The following KIF18A variants were observed in gnomAD, a reference collection of about 807,000 sequenced individuals.
KIF18A encodes the protein kinesin-like protein KIF18A.
KIF18A carries 67 observed loss-of-function variants against 103.3 expected under a neutral mutation model. The ratio of observed to expected loss-of-function variants is 0.65; its 90% CI spans 0.53 to 0.79. The LOEUF is 0.79. Ranked by LOEUF, KIF18A falls within the 30% of genes least tolerant of loss-of-function variation. The pLI is 0.00. For synonymous variants in KIF18A, 367 were observed against 355.5 expected, an observed-to-expected ratio of 1.03 and a Z score of -0.36; for missense variants, 1,032 against 1,062.5, an observed-to-expected ratio of 0.97 and a Z score of 0.40.
Position 28,062,495 on chromosome 11 carries a change from A to G in KIF18A, c.1612T>C (p.Cys538Arg), listed in dbSNP as rs1368288262. ...TTGTTCTGGAGGTGCAAATGGTGAC[A>G]ATGAAGATCTTTCTTGAGTTCCTAG... ...IPKELKKDLH[C>R]HHLHLQNKDL... is the part of the protein sequence containing the mutation. Residue 538 changes from cysteine to arginine, a missense_variant, in exon 12 of 17, where the codon TGT (cysteine) becomes CGT (arginine). Cys to Arg is a radical substitution (Grantham distance 180). Coordinates refer to ENST00000263181, the MANE Select transcript of KIF18A (RefSeq NM_031217.4). 1.2e-6 allele frequency: 2 copies of G among 1,611,322 alleles called. No individual in the cohort carries two copies. The highest frequency in any genetic ancestry group is 1.7e-6 in the Non-Finnish European group (2 of 1,178,408).
At chr11:28,089,716 C>T (rs927316132) in intron 5 of KIF18A, among the ~76,000 whole-genome samples, 10 of 152,128 alleles carry the variant, frequency 6.6e-5, no homozygotes, top group Non-Finnish European at 1.3e-4. Flanking sequence ...TTGTCATTTT[C>T]AACTGCCTAG....
At chr11:28,091,119 T>C (rs1390709145) in intron 4 of KIF18A, among the ~76,000 whole-genome samples, 1 of 143,904 alleles carries the variant, frequency 6.9e-6, no homozygotes, top group Non-Finnish European at 1.5e-5. Flanking sequence ...CATAGCCCGG[T>C]CACAAAATAA....
chr11:28,058,444 G>C (rs1421754824), intron 13 of KIF18A, among the ~76,000 whole-genome samples: 4 of 143,940 alleles, frequency 2.8e-5, no homozygotes, highest in African/African-American at 1.0e-4. Flanking sequence ...TTGAGCCCAG[G>C]AGTTTGAGGT....
chr11:28,024,851 T>C (rs1850294437), intron 15 of KIF18A, among the ~76,000 whole-genome samples: 1 of 151,942 alleles, frequency 6.6e-6, no homozygotes, highest in South Asian at 2.1e-4. Context: ...AGATACTATA[T>C]AGTAATCCCC....
In KIF18A at chr11:28,036,218, GT is replaced by G; in HGVS notation, c.2394del (p.Gln798HisfsTer26). 6.4e-7 allele frequency: 1 copy of G among 1,555,614 alleles called. No homozygotes were observed. The highest frequency in any genetic ancestry group is 8.7e-7 in the Non-Finnish European group (1 of 1,148,150). On this transcript the variant is annotated frameshift_variant and splice_region_variant, in exon 14 of 17. Coordinates refer to ENST00000263181, the MANE Select transcript of KIF18A (RefSeq NM_031217.4). LOFTEE classifies it high-confidence loss of function. ...SLPNDNKDIL[Q>X]RLDPSSFSTK... ...TTGGCAAATATTATTTTTTTGTACC[GT>G]TGTAAAATGTCTTTGTTATCATTTG... is the stretch of plus-strand genomic sequence containing the variant.
At chr11:28,089,866 C>A (rs1486458219) in intron 5 of KIF18A, among the ~76,000 whole-genome samples, 1 of 152,132 alleles carries the variant, frequency 6.6e-6, no homozygotes, top group African/African-American at 2.4e-5. Flanking sequence ...AAAGCAGGAT[C>A]TAAGATATTT....
chr11:28,099,792 A>G (rs922112047), intron 1 of KIF18A, among the ~76,000 whole-genome samples: 1 of 152,076 alleles, frequency 6.6e-6, no homozygotes, highest in African/African-American at 2.4e-5. Flanking sequence ...ATGAGAGGAG[A>G]AATGGAGGCC....
chr11:28,032,758 A>G (rs1850427732), intron 15 of KIF18A, among the ~76,000 whole-genome samples: 1 of 151,908 alleles, frequency 6.6e-6, no homozygotes, highest in Admixed American at 6.6e-5. Flanking sequence ...TCAAACTATG[A>G]AACTGCTAAA....
At chr11:28,027,413 T>A (rs541141417) in intron 15 of KIF18A, among the ~76,000 whole-genome samples, 2 of 151,968 alleles carry the variant, frequency 1.3e-5, no homozygotes, top group East Asian at 1.9e-4. Context: ...TAACCCGGCT[T>A]TTGGTTTGCA....
Position 28,062,488 on chromosome 11 carries a change from T to C in KIF18A, c.1619A>G (p.His540Arg), listed in dbSNP as rs1380259211. The C allele has an allele frequency of 1.2e-6, 2 of 1,611,614 alleles. No homozygotes were observed. Among genetic ancestry groups the C allele is most frequent in the Non-Finnish European group, 1.7e-6 (2 of 1,178,490 alleles). Residue 540 changes from histidine to arginine, a missense_variant, in exon 12 of 17, where the codon CAT (histidine) becomes CGT (arginine). Physicochemically the swap from His to Arg is conservative, Grantham distance 29. Transcript: ENST00000263181. Reference protein sequence around the residue: ...KELKKDLHCHHLHLQNKDLKA... With the variant: ...KELKKDLHCHRLHLQNKDLKA... ...CAAATCTTTGTTCTGGAGGTGCAAATGGTGACAATGAAGATCTTTCTTGAG... is the reference window on the plus strand; with the variant it reads ...CAAATCTTTGTTCTGGAGGTGCAAACGGTGACAATGAAGATCTTTCTTGAG...
rs772471202 is a variant in KIF18A, at chr11:28,035,376, T to C, written c.2504+11A>G. On this transcript the variant is annotated intron_variant, in intron 15 of 16. Transcript: ENST00000263181. ...AACTACAGAACCAAACCAGTTTATG[T>C]TTAATCATACCTTGTTAATTTCCGT... 7.3e-6 allele frequency: 11 copies of C among 1,516,242 alleles called. No individual in the cohort carries two copies. The South Asian group carries it at 1.1e-4, about 15-fold the overall frequency. 93.9% of individuals were successfully genotyped at this position (1,516,242 alleles called of 1,614,324 possible). A position where few individuals can be genotyped will look rare whatever the true frequency, so the allele number is the denominator to read the frequency against.
intron 2 of KIF18A, among the ~76,000 whole-genome samples, chr11:28,096,381 G>T (rs1201551692): frequency 1.3e-5 from 2 of 151,984 alleles, no homozygotes; most frequent in East Asian, 3.9e-4. Flanking sequence ...GAATTAAGAT[G>T]GTGTATATTT....
intron 13 of KIF18A, among the ~76,000 whole-genome samples, chr11:28,052,297 A>G (rs187737961): frequency 1.2e-3 from 184 of 152,178 alleles, no homozygotes; most frequent in Non-Finnish European, 1.7e-3. Flanking sequence ...TCCTTGTTTT[A>G]TTCAGAGTAA....
At chr11:28,073,867 C>T (rs1432452185) in intron 10 of KIF18A, among the ~76,000 whole-genome samples, 3 of 152,106 alleles carry the variant, frequency 2.0e-5, no homozygotes, top group Non-Finnish European at 2.9e-5. Flanking sequence ...ATAAGAGTTT[C>T]GTTAAAGTTG....
At chr11:28,104,882 G>C (rs1203705689) in intron 1 of KIF18A, among the ~76,000 whole-genome samples, 2 of 151,954 alleles carry the variant, frequency 1.3e-5, no homozygotes, top group African/African-American at 4.8e-5. Flanking sequence ...TTCCCAGAAG[G>C]GTACACAAGA....
intron 12 of KIF18A, among the ~76,000 whole-genome samples, chr11:28,060,097 C>T (rs916054251): frequency 2.6e-5 from 4 of 152,134 alleles, no homozygotes; most frequent in Admixed American, 6.5e-5. Context: ...TACAGCAGCA[C>T]CGAATGTAAT....
chr11:28,077,607 C>T (rs570061028), intron 9 of KIF18A, among the ~76,000 whole-genome samples: 1 of 152,274 alleles, frequency 6.6e-6, no homozygotes, highest in South Asian at 2.1e-4. Context: ...ACGGTGTTGG[C>T]TCACCGTGAA....
chr11:28,060,568 G>A (rs1393405183), intron 12 of KIF18A, among the ~76,000 whole-genome samples: 1 of 152,086 alleles, frequency 6.6e-6, no homozygotes, highest in Admixed American at 6.6e-5. Context: ...ACACTAATCA[G>A]GTACTGTGCA....
chr11:28,096,536 G>T (rs1413511538), intron 2 of KIF18A, among the ~76,000 whole-genome samples: 1 of 152,124 alleles, frequency 6.6e-6, no homozygotes, highest in Non-Finnish European at 1.5e-5. Flanking sequence ...TAGTTTGATA[G>T]AGAGTCTACT....
Sources: gnomAD v4.1 joint callset for allele counts (sites outside exome capture counted in the v4.1 genomes callset) on GRCh38, gnomAD v4.1.1 for gene constraint, MANE v1.5 for transcripts, NCBI Gene and HGNC (gene_info 2026-07-23, HGNC 2026-07-21) for gene names.